The following TMPRSS6 variants were observed in gnomAD, a reference collection of about 807,000 sequenced individuals.
The protein encoded by TMPRSS6 is transmembrane protease serine 6.
In TMPRSS6, 67 loss-of-function variants were observed where a neutral mutation model predicts 101.5. That is an observed-to-expected ratio of 0.66 (90% CI 0.54 to 0.81). The LOEUF (loss-of-function observed/expected upper bound fraction) is 0.81, where lower values mean the gene tolerates loss of function less well. Ranked by LOEUF, TMPRSS6 falls within the 30% of genes least tolerant of loss-of-function variation. TMPRSS6 has a pLI of 0.00. For missense variants in TMPRSS6, 1,034 were observed against 1,088.7 expected, an observed-to-expected ratio of 0.95 and a Z score of 0.71; for synonymous variants, 453 against 464.9, an observed-to-expected ratio of 0.97 and a Z score of 0.33.
intron 1 of TMPRSS6, among the ~76,000 whole-genome samples, chr22:37,104,067 G>C (rs1930559428): frequency 6.6e-6 from 1 of 152,088 alleles, no homozygotes; most frequent in Non-Finnish European, 1.5e-5. Flanking sequence ...TTAATTTTCA[G>C]GTCACCCAGG....
chr22:37,067,894 A>ATTCTGGTTCCTCCT (rs1404222196), intron 16 of TMPRSS6, among the ~76,000 whole-genome samples: 1 of 55,688 alleles, frequency 1.8e-5, no homozygotes, highest in Non-Finnish European at 3.4e-5. Flanking sequence ...TCGCCCAGGC[A>ATTCTGGTTCCTCCT]CGCCTGCCCC....
chr22:37,089,507 T>C, intron 7 of TMPRSS6, 71 bp downstream of exon 7: 1 of 1,434,436 alleles, frequency 7.0e-7, no homozygotes, highest in Non-Finnish European at 9.5e-7. Context: ...ATGCTGTGTG[T>C]GACTTTCAAC....
intron 14 of TMPRSS6, 112 bp from the exon 15 acceptor site, chr22:37,070,764 G>A: frequency 7.3e-7 from 1 of 1,363,346 alleles, no homozygotes; most frequent in East Asian, 2.3e-5. Flanking sequence ...GGAGAATGAT[G>A]GAGGGGGAGA....
upstream of TMPRSS6, among the ~76,000 whole-genome samples, chr22:37,110,395 C>T (rs377312561): frequency 6.6e-6 from 1 of 151,706 alleles, no homozygotes; most frequent in East Asian, 2.0e-4. Flanking sequence ...CCACCCACCT[C>T]GACCTCCCAA....
intron 17 of TMPRSS6, among the ~76,000 whole-genome samples, chr22:37,066,461 TC>T (rs1444691723): frequency 6.6e-6 from 1 of 152,224 alleles, no homozygotes; most frequent in Admixed American, 6.5e-5. Context: ...TGTGGCTGTG[TC>T]CCCACGCCCC....
Position 37,069,067 on chromosome 22 carries a change from G to A in TMPRSS6, c.2113+6C>T, listed in dbSNP as rs1294767202. 7.1e-6 allele frequency: 11 copies of A among 1,539,206 alleles called. No homozygotes were observed. The highest frequency in any genetic ancestry group is 1.4e-5 in the African/African-American group (1 of 73,080). On this transcript the variant is annotated splice_donor_region_variant and intron_variant, in intron 16 of 17. Coordinates refer to ENST00000676104, the MANE Select transcript of TMPRSS6 (RefSeq NM_001374504.1). The surrounding 1 kb of genome is among the most constrained non-coding windows in gnomAD (Gnocchi z 4.8). ...CCGCCTCCCGCCGCAAGTCCCCGCT[G>A]CTCACCGCCCTCGCGCAAGGCGCCC...
At chr22:37,110,225 C>A (rs1245075371), upstream of TMPRSS6, among the ~76,000 whole-genome samples, 3 of 150,636 alleles carry the variant, frequency 2.0e-5, no homozygotes, top group Non-Finnish European at 4.4e-5. Context: ...CTCACTGCAA[C>A]CTCCGCCTCC....
chr22:37,097,148 AAT>A (rs1279127688), intron 3 of TMPRSS6, among the ~76,000 whole-genome samples: 2 of 152,186 alleles, frequency 1.3e-5, no homozygotes, highest in Non-Finnish European at 2.9e-5. Flanking sequence ...GCAGCGTGGG[AAT>A]AGTGTTCGTG....
Position 37,103,406 on chromosome 22 carries a change from G to A in TMPRSS6, c.12C>T (p.Ala4=), listed in dbSNP as rs140165171. MPV[A]EAPQVAGGQG... ...GCCCGCCAGCCACCTGGGGGGCCTC[G>A]GCCACGGGCATCCTGCCAGGGAAAC... The change falls in exon 2 of 18, where the codon GCC becomes GCT. Residue 4 remains alanine, a synonymous_variant. Transcript: ENST00000676104. The surrounding 1 kb of genome is among the most constrained non-coding windows in gnomAD (Gnocchi z 4.4). The A allele has an allele frequency of 1.2e-5, 19 of 1,614,170 alleles. No homozygotes were observed. The African/African-American group carries it at 1.2e-4, about 10-fold the overall frequency.
chr22:37,097,513 G>A (rs913483364), intron 3 of TMPRSS6, among the ~76,000 whole-genome samples: 4 of 152,258 alleles, frequency 2.6e-5, no homozygotes, highest in Admixed American at 6.5e-5. Flanking sequence ...CCACTCCAGC[G>A]CTCATGGTTC....
intron 1 of TMPRSS6, among the ~76,000 whole-genome samples, chr22:37,108,247 T>C (rs1373493219): frequency 2.0e-5 from 3 of 152,154 alleles, no homozygotes; most frequent in African/African-American, 7.2e-5. Flanking sequence ...CCCCACACTC[T>C]TCCTTCTGCC....
chr22:37,081,885 T>C (rs748681990), intron 10 of TMPRSS6, among the ~76,000 whole-genome samples: 11 of 152,298 alleles, frequency 7.2e-5, no homozygotes, highest in Non-Finnish European at 1.3e-4. Flanking sequence ...TCTGGCGAGA[T>C]CCCTCCACCC....
At chr22:37,067,010 C>T in intron 16 of TMPRSS6, 48 bp from the exon 17 acceptor site, 1 of 1,613,020 alleles carries the variant, frequency 6.2e-7, no homozygotes, top group South Asian at 1.1e-5. Flanking sequence ...CCTGGAGCCC[C>T]TGTTCTCTAT....
At chr22:37,067,297 C>T (rs773132704) in intron 16 of TMPRSS6, among the ~76,000 whole-genome samples, 60 of 152,026 alleles carry the variant, frequency 3.9e-4, no homozygotes, top group Non-Finnish European at 7.1e-4. Flanking sequence ...ATGGAGAAAC[C>T]CTGTCTGTAC....
chr22:37,084,847 A>G lies in TMPRSS6; in HGVS notation c.974-8T>C. ...TCAGGTTCACTTCACAGGCTGGACC[A>G]GGAGAGCAGCTGTTACACAGGGGTC... On this transcript the variant is annotated splice_polypyrimidine_tract_variant and splice_region_variant and intron_variant, in intron 8 of 17. Coordinates refer to ENST00000676104, the MANE Select transcript of TMPRSS6 (RefSeq NM_001374504.1). 3 of 1,550,780 alleles carry G rather than the reference A, an allele frequency of 1.9e-6. No homozygotes were observed. Among genetic ancestry groups the G allele is most frequent in the Non-Finnish European group, 2.6e-6 (3 of 1,146,764 alleles).
At chr22:37,097,892 T>C in intron 3 of TMPRSS6, among the ~76,000 whole-genome samples, 1 of 58,008 alleles carries the variant, frequency 1.7e-5, no homozygotes, top group Non-Finnish European at 3.4e-5. Flanking sequence ...GCCACCGTCC[T>C]GTTACGGAGG....
At position 37,070,494 on chromosome 22, in the gene TMPRSS6, G is replaced by A. The variant is rs1296409125; in HGVS notation, c.1831C>T (p.Gln611Ter). ...CACCCTCCCGCTCACCTGTCCTCCTGGAAGCAGTGGGCAGCTGTTATCACC... is the reference window on the plus strand; with the variant it reads ...CACCCTCCCGCTCACCTGTCCTCCTAGAAGCAGTGGGCAGCTGTTATCACC... Reference protein sequence around the residue: ...RWVITAAHCFQEDSMASTVLW... With the variant: ...RWVITAAHCF The change falls in exon 15 of 18, where the codon CAG (glutamine) becomes TAG (stop). Residue 611 changes from glutamine to a stop codon, truncating the protein, a stop_gained. Transcript: ENST00000676104. LOFTEE classifies it high-confidence loss of function. 2 of 1,613,468 alleles carry A rather than the reference G, an allele frequency of 1.2e-6. No individual in the cohort carries two copies. Among genetic ancestry groups the A allele is most frequent in the Non-Finnish European group, 1.7e-6 (2 of 1,179,984 alleles).
At chr22:37,068,935 C>T in intron 16 of TMPRSS6, 138 bp downstream of exon 16, 1 of 1,414,484 alleles carries the variant, frequency 7.1e-7, no homozygotes, top group Non-Finnish European at 9.3e-7. Flanking sequence ...AAAATTCAGC[C>T]CAATTTGAAT....
rs529552209 is a variant in TMPRSS6, at chr22:37,097,725, C to T, written c.336+691G>A. Reference sequence around the variant, plus strand: ...CTTGTAACAGAGGGGCAGGAGCGGGCCACCGTCCTGTAACGGAGGGGCAGG... The same window carrying T: ...CTTGTAACAGAGGGGCAGGAGCGGGTCACCGTCCTGTAACGGAGGGGCAGG... On this transcript the variant is annotated intron_variant, in intron 3 of 17. Coordinates refer to ENST00000676104, the MANE Select transcript of TMPRSS6 (RefSeq NM_001374504.1). 1.3e-3 allele frequency among the ~76,000 whole-genome samples: 162 copies of T among 121,814 alleles called. 2 individuals carry two copies. The highest frequency in any genetic ancestry group is 5.7e-3 in the African/African-American group (153 of 26,958). 79.9% of individuals were successfully genotyped at this position (121,814 alleles called of 152,430 possible).
Sources: gnomAD v4.1 joint callset for allele counts (sites outside exome capture counted in the v4.1 genomes callset) on GRCh38, gnomAD v4.1.1 for gene constraint, Gnocchi (gnomAD v3.1) non-coding constraint, MANE v1.5 for transcripts, NCBI Gene and HGNC (gene_info 2026-07-23, HGNC 2026-07-21) for gene names.